Variants in PIR observed in about 807,000 individuals in gnomAD.
PIR encodes pirin (iron-binding nuclear protein).
Under a neutral mutation model 24.2 loss-of-function variants are expected in PIR, and 22 were observed. The observed-to-expected ratio is 0.91, with a 90% CI of 0.65 to 1.30. The LOEUF (loss-of-function observed/expected upper bound fraction) is 1.30. PIR is among the 50% of genes most tolerant of loss of function. The pLI, the probability that PIR is intolerant of heterozygous loss-of-function variation, is 0.00. For synonymous variants in PIR, 80 were observed against 79.6 expected (o/e 1.00, Z -0.03); for missense variants, 220 against 220.3 (o/e 1.00, Z 0.01).
At chrX:15,471,386 A>G (rs1318716407) in intron 3 of PIR, among the ~76,000 whole-genome samples, 1 of 112,072 alleles carries the variant, frequency 8.9e-6, no homozygotes, top group African/African-American at 3.3e-5. Context: ...TAGGCTAAAG[A>G]TGGTTTTATT....
intron 6 of PIR, among the ~76,000 whole-genome samples, chrX:15,420,410 C>T (rs1444112785): frequency 9.0e-6 from 1 of 111,588 alleles, no homozygotes; most frequent in African/African-American, 3.3e-5. Flanking sequence ...TGTGGAGAAA[C>T]TGGTATTCTA....
intron 2 of PIR, 90 bp downstream of exon 2, chrX:15,491,072 T>C: frequency 1.6e-6 from 1 of 635,986 alleles, no homozygotes; most frequent in Non-Finnish European, 2.5e-6. Flanking sequence ...AGCTCACGAC[T>C]ATCTTGGCCC....
At chrX:15,402,490 C>A (rs1050664596) in intron 7 of PIR, among the ~76,000 whole-genome samples, 2 of 111,650 alleles carry the variant, frequency 1.8e-5, no homozygotes, top group Non-Finnish European at 3.8e-5. Context: ...TGGGGAGTAT[C>A]CATCCCCTCA....
intron 6 of PIR, among the ~76,000 whole-genome samples, chrX:15,412,789 G>A (rs1476339872): frequency 1.8e-5 from 2 of 112,023 alleles, no homozygotes; most frequent in African/African-American, 6.5e-5. Flanking sequence ...AACCTTAAAG[G>A]AGGCTTTGTG....
intron 5 of PIR, among the ~76,000 whole-genome samples, chrX:15,445,899 G>A (rs1384116702): frequency 2.3e-4 from 20 of 88,584 alleles, no homozygotes; most frequent in Admixed American, 2.2e-3. Context: ...GCGCGATCTC[G>A]GCTCACTGCA....
chrX:15,426,505 G>C (rs170905), intron 5 of PIR, among the ~76,000 whole-genome samples: 1 of 111,186 alleles, frequency 9.0e-6, no homozygotes, highest in African/African-American at 3.3e-5. Context: ...TGTAAGAAAG[G>C]CAAACTTTTG....
chrX:15,465,654 G>A (rs1041273188), intron 3 of PIR, among the ~76,000 whole-genome samples: 2 of 111,877 alleles, frequency 1.8e-5, no homozygotes, highest in East Asian at 2.8e-4. Flanking sequence ...AATTCTTTCC[G>A]TGGGTCTTTA....
At chrX:15,455,549 G>A (rs957360299) in intron 5 of PIR, among the ~76,000 whole-genome samples, 1 of 112,312 alleles carries the variant, frequency 8.9e-6, no homozygotes, top group African/African-American at 3.2e-5. Flanking sequence ...GCATAAAATT[G>A]CACTATAAGT....
intron 7 of PIR, among the ~76,000 whole-genome samples, chrX:15,404,326 C>T (rs1249215259): frequency 1.8e-5 from 2 of 112,230 alleles, no homozygotes; most frequent in East Asian, 5.6e-4. Flanking sequence ...ATGTTCAAAA[C>T]TCCACCTGTT....
chrX:15,432,839 T>C (rs1417948318), intron 5 of PIR, among the ~76,000 whole-genome samples: 1 of 110,709 alleles, frequency 9.0e-6, no homozygotes, highest in Non-Finnish European at 1.9e-5. Flanking sequence ...GGGAGAGAAA[T>C]AGGTAGATTT....
chrX:15,394,689 G>A (rs1924069440), intron 8 of PIR, among the ~76,000 whole-genome samples: 1 of 112,092 alleles, frequency 8.9e-6, no homozygotes, highest in African/African-American at 3.2e-5. Flanking sequence ...GTAGGTCAAA[G>A]CAGCACAGGA....
intron 6 of PIR, among the ~76,000 whole-genome samples, chrX:15,411,896 T>C (rs959473145): frequency 1.8e-5 from 2 of 112,336 alleles, no homozygotes; most frequent in African/African-American, 6.5e-5. Flanking sequence ...TTCACCTAGA[T>C]TCCCCCAAAG....
intron 5 of PIR, among the ~76,000 whole-genome samples, chrX:15,441,132 C>T (rs187580061): frequency 6.6e-4 from 74 of 111,568 alleles, no homozygotes; most frequent in Middle Eastern, 9.2e-3. Context: ...ACTCAGGCTA[C>T]GATGCTCAGA....
intron 6 of PIR, among the ~76,000 whole-genome samples, chrX:15,408,731 A>C (rs1044058510): frequency 5.4e-5 from 6 of 111,989 alleles, no homozygotes; most frequent in African/African-American, 2.0e-4. Flanking sequence ...TGCAGGGCAC[A>C]GTTCAATGCT....
At chrX:15,448,454 A>G (rs935324103) in intron 5 of PIR, among the ~76,000 whole-genome samples, 1 of 112,222 alleles carries the variant, frequency 8.9e-6, no homozygotes, top group Non-Finnish European at 1.9e-5. Context: ...GAACTGCTTC[A>G]TGAAACCTGA....
intron 6 of PIR, among the ~76,000 whole-genome samples, chrX:15,424,012 G>T (rs1244742185): frequency 2.7e-5 from 3 of 112,021 alleles, no homozygotes; most frequent in African/African-American, 9.8e-5. Flanking sequence ...CAGTATGAAG[G>T]TTCCTCAAAA....
At chrX:15,458,654 A>C (rs778036841) in intron 4 of PIR, among the ~76,000 whole-genome samples, 3 of 112,097 alleles carry the variant, frequency 2.7e-5, no homozygotes, top group East Asian at 2.8e-4. Context: ...GATAATAATA[A>C]TACTACTTAT....
chrX:15,487,575 AC>A (rs1922905924), intron 2 of PIR, among the ~76,000 whole-genome samples: 1 of 112,309 alleles, frequency 8.9e-6, no homozygotes, highest in Admixed American at 9.4e-5. Context: ...AATAAGAGTG[AC>A]CCATGGAGAA....
At chrX:15,419,618 G>A (rs768256737) in intron 6 of PIR, among the ~76,000 whole-genome samples, 3 of 111,479 alleles carry the variant, frequency 2.7e-5, no homozygotes, top group Admixed American at 9.6e-5. Flanking sequence ...TTTTGAGGCC[G>A]GGTGTGGTAG....
Sources: allele counts gnomAD v4.1 joint callset (sites outside exome capture counted in the v4.1 genomes callset), GRCh38; gene constraint gnomAD v4.1.1; transcripts MANE v1.5; gene names NCBI Gene and HGNC (gene_info 2026-07-23, HGNC 2026-07-21).